Variants in MMP1 observed in about 807,000 individuals in gnomAD.
MMP1 encodes interstitial collagenase.
Under a neutral mutation model 49.6 loss-of-function variants are expected in MMP1, and 51 were observed. That is an observed-to-expected ratio of 1.03 (90% CI 0.82 to 1.30). The LOEUF (loss-of-function observed/expected upper bound fraction) is 1.30. Among genes scored for constraint, MMP1 ranks in the 50% most tolerant of loss-of-function variants. The probability of loss-of-function intolerance (pLI) is 0.00; values close to 1 mark genes in which losing one functional copy is unlikely to be tolerated. For synonymous variants in MMP1, 230 were observed against 196.8 expected (o/e 1.17, Z -1.41); for missense variants, 623 against 568.7 (o/e 1.10, Z -0.97).
chr11:102,790,491 T>C lies in MMP1; in HGVS notation c.1331A>G (p.Gln444Arg), dbSNP rs763713996. Reference sequence around the variant, plus strand: ...CTTCGTTTTAGGATCAAATTTGTATTGTCTTGTTCCATGAAAGAAATAGAA... The same window carrying C: ...CTTCGTTTTAGGATCAAATTTGTATCGTCTTGTTCCATGAAAGAAATAGAA... Reference protein sequence around the residue: ...GFFYFFHGTRQYKFDPKTKRI... With the variant: ...GFFYFFHGTRRYKFDPKTKRI... The change falls in exon 10 of 10, where the codon CAA becomes CGA. Residue 444 changes from glutamine (Q) to arginine (R), a missense_variant. Coordinates refer to ENST00000315274, the MANE Select transcript of MMP1 (RefSeq NM_002421.4). The C allele has an allele frequency of 6.2e-7, 1 of 1,606,498 alleles. No individual in the cohort carries two copies. Among genetic ancestry groups the C allele is most frequent in the African/African-American group, 1.3e-5 (1 of 74,738 alleles).
rs1326744628 is a variant in MMP1, at chr11:102,796,679, T to A, written c.610A>T (p.Thr204Ser). The part of the protein sequence containing the change: ...DAHFDEDERW[T>S]NNFREYNLHR... ...ATTGGCTTACCTCTGAAATTGTTGG[T>A]CCACCTTTCATCTTCATCAAAATGA... is the stretch of plus-strand genomic sequence containing the variant. The change falls in exon 4 of 10, where the codon ACC becomes TCC. Residue 204 changes from threonine to serine, a missense_variant. Physicochemically the swap from Thr to Ser is moderately conservative, Grantham distance 58 (BLOSUM62 1). Coordinates refer to ENST00000315274, the MANE Select transcript of MMP1 (RefSeq NM_002421.4). 6.2e-7 allele frequency: 1 copy of A among 1,613,552 alleles called. No individual in the cohort carries two copies. The highest frequency in any genetic ancestry group is 1.1e-5 in the South Asian group (1 of 90,870).
Position 102,790,821 on chromosome 11 carries a change from G to A in MMP1, c.1197-15C>T, listed in dbSNP as rs1229078290. 6.9e-7 allele frequency: 1 copy of A among 1,452,994 alleles called. No homozygotes were observed. Among genetic ancestry groups the A allele is most frequent in the Non-Finnish European group, 9.7e-7 (1 of 1,035,134 alleles). 90.0% of individuals were successfully genotyped at this position (1,452,994 alleles called of 1,614,324 possible). A position where few individuals can be genotyped will look rare whatever the true frequency, so the allele number is the denominator to read the frequency against. The stretch of plus-strand genomic sequence containing the variant: ...ATTCATCATACCTGGTCAGAAAAGA[G>A]TTAAGAGTGTCAGACCTTTTGCTAA... On this transcript the variant is annotated splice_polypyrimidine_tract_variant and intron_variant, in intron 8 of 9. Coordinates refer to ENST00000315274, the MANE Select transcript of MMP1 (RefSeq NM_002421.4).
At chr11:102,797,940 A>G (rs1376944920) in intron 1 of MMP1, 48 bp downstream of exon 1, 1 of 1,416,860 alleles carries the variant, frequency 7.1e-7, no homozygotes, top group Admixed American at 2.0e-5. Flanking sequence ...CTGCAGAAAA[A>G]TACAAACTAA....
Position 102,791,321 on chromosome 11 carries a change from A to G in MMP1, c.1196+12T>C. On this transcript the variant is annotated intron_variant, in intron 8 of 9. Coordinates refer to ENST00000315274, the MANE Select transcript of MMP1 (RefSeq NM_002421.4). ...GAACTGAGGCCCTAACATTCTCTGC[A>G]CTTAAACTTACCTCCAGTATTTGTT... 1.2e-6 allele frequency: 2 copies of G among 1,613,750 alleles called. No homozygotes were observed. Among genetic ancestry groups the G allele is most frequent in the Non-Finnish European group, 1.7e-6 (2 of 1,179,680 alleles).
In MMP1 at chr11:102,794,116, ATG is replaced by A. The variant is rs1858110617; in HGVS notation, c.899+1056_899+1057del. On this transcript the variant is annotated intron_variant, in intron 6 of 9. Transcript: ENST00000315274. This position sits in a 1 kb window ranked among gnomAD's most constrained non-coding sequence, Gnocchi z 4.3. ...GTACTGAGAGGTTTCCTTTAAAACC[ATG>A]TGTTTTCTTAACTTGTCCCAGCATT... 3.3e-5 allele frequency among the ~76,000 whole-genome samples: 5 copies of A among 152,296 alleles called. 1 individual carries two copies. The South Asian group carries it at 1.0e-3, about 32-fold the overall frequency.
rs778882706 is a variant in MMP1 at position 102,792,641 on chromosome 11, C to T, written c.997G>A (p.Glu333Lys). 4.3e-6 allele frequency: 7 copies of T among 1,613,842 alleles called. No individual in the cohort carries two copies. In the Admixed American group the frequency reaches 5.0e-5, roughly 12 times the overall value. Residue 333 changes from glutamate (E) to lysine (K), a missense_variant, in exon 7 of 10, where the codon GAA becomes AAA. Coordinates refer to ENST00000315274, the MANE Select transcript of MMP1 (RefSeq NM_002421.4). ...QLPNGLEAAY[E>K]FADRDEVRFF... ...CGGACTTCATCTCTGTCGGCAAATT[C>T]GTAAGCAGCTTCAAGCCCATTTGGC... is the stretch of plus-strand genomic sequence containing the variant.
intron 8 of MMP1, 40 bp downstream of exon 8, chr11:102,791,293 A>G (rs764134020): frequency 6.2e-7 from 1 of 1,609,966 alleles, no homozygotes; most frequent in East Asian, 2.2e-5. Flanking sequence ...TTTTATGTAG[A>G]AAGAACTGAG....
At chr11:102,790,638 A>G (rs1247918560) in intron 9 of MMP1, 65 bp downstream of exon 9, 2 of 1,375,524 alleles carry the variant, frequency 1.5e-6, no homozygotes, top group African/African-American at 1.4e-5. Flanking sequence ...TTGCTGTTCC[A>G]ACTAACAATA....
chr11:102,795,465 G>A lies in MMP1; in HGVS notation c.768C>T (p.Ile256=). 6.2e-7 allele frequency: 1 copy of A among 1,613,614 alleles called. No individual in the cohort carries two copies. Among genetic ancestry groups the A allele is most frequent in the Non-Finnish European group, 8.5e-7 (1 of 1,179,912 alleles). ...CCCCATACTCACCATATATGGCTTG[G>A]ATGCCATCAATGTCATCCTGAGCTA... ...VQLAQDDIDG[I]QAIYGRSQNP... Residue 256 remains isoleucine, a synonymous_variant, in exon 5 of 10, where the codon ATC becomes ATT. Coordinates refer to ENST00000315274, the MANE Select transcript of MMP1 (RefSeq NM_002421.4).
rs185737138 is a variant in MMP1, at chr11:102,795,467, T to G, written c.766A>C (p.Ile256Leu). The G allele has an allele frequency of 6.2e-7, 1 of 1,613,776 alleles. No individual in the cohort carries two copies. Among genetic ancestry groups the G allele is most frequent in the Admixed American group, 1.7e-5 (1 of 59,914 alleles). Residue 256 changes from isoleucine (I) to leucine (L), a missense_variant, in exon 5 of 10, where the codon ATC (isoleucine) becomes CTC (leucine). Transcript: ENST00000315274. Reference sequence around the variant, plus strand: ...CCATACTCACCATATATGGCTTGGATGCCATCAATGTCATCCTGAGCTAGC... The same window carrying G: ...CCATACTCACCATATATGGCTTGGAGGCCATCAATGTCATCCTGAGCTAGC... Reference protein sequence around the residue: ...VQLAQDDIDGIQAIYGRSQNP... With the variant: ...VQLAQDDIDGLQAIYGRSQNP...
intron 6 of MMP1, among the ~76,000 whole-genome samples, chr11:102,793,660 A>G (rs1858096260): frequency 6.6e-6 from 1 of 152,178 alleles, no homozygotes; most frequent in Non-Finnish European, 1.5e-5. Flanking sequence ...GGTTGGGGAG[A>G]CTAAGGGAGG....
Position 102,794,040 on chromosome 11 carries a change from A to G in MMP1, c.899+1134T>C, listed in dbSNP as rs1168177979. Among the ~76,000 whole-genome samples the G allele has an allele frequency of 6.6e-6, 1 of 151,948 alleles. No individual in the cohort carries two copies. The highest frequency in any genetic ancestry group is 1.5e-5 in the Non-Finnish European group (1 of 67,978). On this transcript the variant is annotated intron_variant, in intron 6 of 9. Coordinates refer to ENST00000315274, the MANE Select transcript of MMP1 (RefSeq NM_002421.4). The surrounding 1 kb of genome is among the most constrained non-coding windows in gnomAD (Gnocchi z 4.3). ...TCCTTTCAATTCTGGCAAATCCTCA[A>G]ATTGGTCCTGTTCCATCTAGTAATA...
intron 9 of MMP1, 73 bp from the exon 10 acceptor site, chr11:102,790,594 C>A: frequency 7.6e-7 from 1 of 1,316,348 alleles, no homozygotes; most frequent in Admixed American, 1.8e-5. Context: ...TCTTGAGAAA[C>A]CAATTCATCT....
intron 9 of MMP1, 24 bp downstream of exon 9, chr11:102,790,679 G>A (rs1246710667): frequency 6.6e-7 from 1 of 1,510,904 alleles, no homozygotes; most frequent in African/African-American, 1.4e-5. Flanking sequence ...ATGAAATGGA[G>A]GAAATACATG....
At chr11:102,791,163 T>C (rs1446318237) in intron 8 of MMP1, among the ~76,000 whole-genome samples, 170 bp downstream of exon 8, 1 of 152,174 alleles carries the variant, frequency 6.6e-6, no homozygotes, top group African/African-American at 2.4e-5. Flanking sequence ...AGTGCAGGCA[T>C]TGTGTGATGA....
At chr11:102,796,601 C>CT in intron 4 of MMP1, 63 bp downstream of exon 4, 3 of 1,549,382 alleles carry the variant, frequency 1.9e-6, no homozygotes, top group Non-Finnish European at 2.6e-6. Flanking sequence ...ACTAAATCAA[C>CT]CAATATTACA....
chr11:102,791,555 A>G, intron 7 of MMP1, 60 bp from the exon 8 acceptor site: 1 of 1,577,432 alleles, frequency 6.3e-7, no homozygotes, highest in Admixed American at 1.7e-5. Context: ...CAGTAAGTGA[A>G]TTTTCAGCTA....
intron 7 of MMP1, among the ~76,000 whole-genome samples, chr11:102,792,126 A>G (rs1858047859): frequency 6.6e-6 from 1 of 152,170 alleles, no homozygotes; most frequent in East Asian, 1.9e-4. Flanking sequence ...ACATCCATTT[A>G]ATTTCATAAT....
chr11:102,797,342 C>T lies in MMP1; in HGVS notation c.264G>A (p.Lys88=). The T allele has an allele frequency of 6.2e-7, 1 of 1,614,174 alleles. No individual in the cohort carries two copies. The part of the protein sequence containing the change: ...KPDAETLKVM[K]QPRCGVPDVA... Reference sequence around the variant, plus strand: ...CATCAGGCACTCCACATCTGGGCTGCTTCATCACCTTCAGGGTTTCAGCAT... The same window carrying T: ...CATCAGGCACTCCACATCTGGGCTGTTTCATCACCTTCAGGGTTTCAGCAT... Residue 88 remains lysine (K), a synonymous_variant, in exon 2 of 10, where the codon AAG becomes AAA. Transcript: ENST00000315274.
Sources: allele counts gnomAD v4.1 joint callset (sites outside exome capture counted in the v4.1 genomes callset), GRCh38; gene constraint gnomAD v4.1.1; non-coding constraint Gnocchi (gnomAD v3.1); transcripts MANE v1.5; gene names NCBI Gene and HGNC (gene_info 2026-07-23, HGNC 2026-07-21).